Variants in ARHGAP23 observed in about 807,000 individuals in gnomAD.
ARHGAP23 encodes Rho GTPase activating protein 23.
Under a neutral mutation model 136.3 loss-of-function variants are expected in ARHGAP23, and 34 were observed. That is an observed-to-expected ratio of 0.25 (90% confidence interval 0.19 to 0.33). The LOEUF (loss-of-function observed/expected upper bound fraction) is 0.33, where lower values mean the gene tolerates loss of function less well. Ranked by LOEUF, ARHGAP23 falls within the 10% of genes least tolerant of loss-of-function variation. The pLI is 1.00. For synonymous variants in ARHGAP23, 832 were observed against 920.5 expected, an observed-to-expected ratio of 0.90 and a Z score of 1.74; for missense variants, 1,808 against 2,139.0, an observed-to-expected ratio of 0.85 and a Z score of 3.05.
intron 6 of ARHGAP23, among the ~76,000 whole-genome samples, chr17:38,463,608 A>G (rs1482138073): frequency 6.6e-6 from 1 of 152,130 alleles, no homozygotes; most frequent in African/African-American, 2.4e-5. Flanking sequence ...CTGCCAGGGT[A>G]TCTGGAAGGA....
rs371581492 is a variant in ARHGAP23 at position 38,482,649 on chromosome 17, G to T, written c.2878G>T (p.Gly960Trp). ...VSSLQEQLNR[G>W]PGDINLQDER... ...CAGCCTACAGGAGCAGCTCAACCGC[G>T]GGCCTGGTGACATCAACCTGCAGGA... The change falls in exon 16 of 24, where the codon GGG (glycine) becomes TGG (tryptophan). Residue 960 changes from glycine to tryptophan, a missense_variant. Around this residue, in one of 7 missense-constraint regions of ARHGAP23, gnomAD observed 105 missense variants for 200.6 expected, o/e 0.52. Transcript: ENST00000622683. 5 of 1,548,952 alleles carry T rather than the reference G, an allele frequency of 3.2e-6. No individual in the cohort carries two copies. The highest frequency in any genetic ancestry group is 2.6e-6 in the Non-Finnish European group (3 of 1,146,442).
chr17:38,510,978 A>G lies in ARHGAP23; in HGVS notation c.*6A>G. Reference sequence around the variant, plus strand: ...GCCTGCATCAGTGTCTGTGATCCCCACCTCCCGCGCCGCTCGGGCGCCACC... The same window carrying G: ...GCCTGCATCAGTGTCTGTGATCCCCGCCTCCCGCGCCGCTCGGGCGCCACC... On this transcript the variant is annotated 3_prime_UTR_variant, in exon 24 of 24. Coordinates refer to ENST00000622683, the MANE Select transcript of ARHGAP23 (RefSeq NM_001199417.2). This position sits in a 1 kb window ranked among gnomAD's most constrained non-coding sequence, Gnocchi z 4.6. The G allele has an allele frequency of 1.4e-6, 2 of 1,423,388 alleles. No individual in the cohort carries two copies. Among genetic ancestry groups the G allele is most frequent in the South Asian group, 3.0e-5 (2 of 67,566 alleles). The allele number at this position is 1,423,388 out of a possible 1,614,324, so 88.2% of individuals were successfully genotyped here.
intron 14 of ARHGAP23, among the ~76,000 whole-genome samples, chr17:38,480,590 C>T (rs547412306): frequency 1.5e-4 from 23 of 150,108 alleles, no homozygotes; most frequent in Admixed American, 3.3e-4. Flanking sequence ...GCCAAGATCG[C>T]GCCACTGCAC....
chr17:38,471,243 G>A (rs879407925), intron 10 of ARHGAP23, among the ~76,000 whole-genome samples: 1 of 152,218 alleles, frequency 6.6e-6, no homozygotes, highest in Admixed American at 6.5e-5. Flanking sequence ...ATGAGCCAGC[G>A]TGCCCGCCCC....
At position 38,428,484 on chromosome 17, in the gene ARHGAP23, C is replaced by G. The variant is rs1273887270; in HGVS notation, c.-2C>G. ...CGGCCGCAGAGCCGCCGCTGCCACC[C>G]GATGAATGGAGTCGCCTTCTGCCTG... On this transcript the variant is annotated 5_prime_UTR_variant, in exon 1 of 24. Coordinates refer to ENST00000622683, the MANE Select transcript of ARHGAP23 (RefSeq NM_001199417.2). The G allele has an allele frequency of 2.1e-6, 3 of 1,443,734 alleles. No individual in the cohort carries two copies. Among genetic ancestry groups the G allele is most frequent in the South Asian group, 1.4e-5 (1 of 73,964 alleles). 89.4% of individuals were successfully genotyped at this position (1,443,734 alleles called of 1,614,324 possible).
At chr17:38,431,476 G>A (rs2038684390) in intron 1 of ARHGAP23, among the ~76,000 whole-genome samples, 1 of 152,152 alleles carries the variant, frequency 6.6e-6, no homozygotes, top group African/African-American at 2.4e-5. Flanking sequence ...GTGGGAGCTG[G>A]TGCTGCCTTT....
At chr17:38,478,783 C>A (rs1234914333) in intron 12 of ARHGAP23, among the ~76,000 whole-genome samples, 1 of 152,156 alleles carries the variant, frequency 6.6e-6, no homozygotes, top group Non-Finnish European at 1.5e-5. Flanking sequence ...GGATTCCTCC[C>A]TGTTTACTTC....
chr17:38,428,544 C>A lies in ARHGAP23; in HGVS notation c.59C>A (p.Pro20Gln). 2.8e-6 allele frequency: 4 copies of A among 1,449,836 alleles called. No homozygotes were observed. Among genetic ancestry groups the A allele is most frequent in the Non-Finnish European group, 3.6e-6 (4 of 1,103,830 alleles). The allele number at this position is 1,449,836 out of a possible 1,614,324, so 89.8% of individuals were successfully genotyped here. The change falls in exon 1 of 24, where the codon CCA becomes CAA. Residue 20 changes from proline (P) to glutamine (Q), a missense_variant. Transcript: ENST00000622683. The stretch of plus-strand genomic sequence containing the variant: ...CCGCCCCGCCCGGAGCCCCGGCCCC[C>A]ACAGGTGAGGGTGCTGGGCCAGGGA... ...GIPPRPEPRPPQLPLGPRDGC... is the reference protein window; with the variant it reads ...GIPPRPEPRPQQLPLGPRDGC...
At chr17:38,433,801 G>A (rs2038734445) in intron 1 of ARHGAP23, among the ~76,000 whole-genome samples, 1 of 152,016 alleles carries the variant, frequency 6.6e-6, no homozygotes, top group Admixed American at 6.6e-5. Flanking sequence ...GGTGGGTATG[G>A]TTCTGATAGG....
intron 20 of ARHGAP23, among the ~76,000 whole-genome samples, chr17:38,495,247 TTTG>T (rs2040367431): frequency 6.7e-6 from 1 of 150,292 alleles, no homozygotes; most frequent in African/African-American, 2.4e-5. Context: ...TTTTTTTTTT[TTTG>T]AGACAGAGTC....
intron 1 of ARHGAP23, among the ~76,000 whole-genome samples, chr17:38,432,591 A>T (rs189050667): frequency 1.0e-3 from 152 of 152,248 alleles, no homozygotes; most frequent in African/African-American, 3.3e-3. Context: ...AGGCAGGAGA[A>T]TCGCTTGAAC....
intron 1 of ARHGAP23, among the ~76,000 whole-genome samples, chr17:38,452,738 AG>A (rs1259162867): frequency 1.3e-5 from 2 of 152,232 alleles, no homozygotes; most frequent in East Asian, 3.9e-4. Flanking sequence ...CCACTAGCCA[AG>A]GCCTCTGCTA....
In ARHGAP23 at chr17:38,466,729, C is replaced by A; in HGVS notation, c.1046C>A (p.Ala349Asp). ...CTGGGCCAGGAGGGCTGGCACCGAG[C>A]TCGCTCAGATGACTACTTGAGCCGG... The part of the protein sequence containing the change: ...SQLGQEGWHR[A>D]RSDDYLSRAT... The change falls in exon 7 of 24, where the codon GCT (alanine) becomes GAT (aspartate). Residue 349 changes from alanine (A) to aspartate (D), a missense_variant. This residue lies in a region of ARHGAP23 where 859 missense variants were observed against 936.4 expected (regional missense o/e 0.92). Coordinates refer to ENST00000622683, the MANE Select transcript of ARHGAP23 (RefSeq NM_001199417.2). 6.5e-7 allele frequency: 1 copy of A among 1,544,010 alleles called. No homozygotes were observed. The highest frequency in any genetic ancestry group is 1.2e-5 in the South Asian group (1 of 83,406).
At position 38,463,329 on chromosome 17, in the gene ARHGAP23, G is replaced by C; in HGVS notation, c.430G>C (p.Asp144His). The C allele has an allele frequency of 6.4e-7, 1 of 1,551,716 alleles. No homozygotes were observed. The highest frequency in any genetic ancestry group is 8.7e-7 in the Non-Finnish European group (1 of 1,146,984). ...SQVIALIQNSDDTLELSIMPK... is the reference protein window; with the variant it reads ...SQVIALIQNSHDTLELSIMPK... Reference sequence around the variant, plus strand: ...CTGACGTTCTGCCTGTCTCTGTAGTGATGACACTCTGGAGCTGTCTATCAT... The same window carrying C: ...CTGACGTTCTGCCTGTCTCTGTAGTCATGACACTCTGGAGCTGTCTATCAT... Residue 144 changes from aspartate (D) to histidine (H), a missense_variant and splice_region_variant, in exon 6 of 24, where the codon GAT (aspartate) becomes CAT (histidine). Transcript: ENST00000622683.
chr17:38,459,218 A>G (rs2039402033), intron 2 of ARHGAP23, among the ~76,000 whole-genome samples: 1 of 152,182 alleles, frequency 6.6e-6, no homozygotes. Context: ...GGTCCCACCT[A>G]TCAGAGAACC....
At chr17:38,483,646 A>G (rs1227154486) in intron 16 of ARHGAP23, among the ~76,000 whole-genome samples, 1 of 152,284 alleles carries the variant, frequency 6.6e-6, no homozygotes, top group Non-Finnish European at 1.5e-5. Flanking sequence ...TGGAATACAC[A>G]AGTCTTCCTG....
chr17:38,432,161 C>T (rs949854447), intron 1 of ARHGAP23, among the ~76,000 whole-genome samples: 9 of 152,162 alleles, frequency 5.9e-5, no homozygotes, highest in African/African-American at 2.2e-4. Flanking sequence ...TATTTGAGGC[C>T]GAGAAAAATG....
intron 16 of ARHGAP23, among the ~76,000 whole-genome samples, chr17:38,483,500 C>T (rs1455218451): frequency 6.6e-6 from 1 of 152,230 alleles, no homozygotes; most frequent in Non-Finnish European, 1.5e-5. Flanking sequence ...CTAGAGCAAC[C>T]CTGCTTTGCC....
chr17:38,473,103 ATTTTTTT>A (rs59594005), intron 11 of ARHGAP23, among the ~76,000 whole-genome samples: 26 of 129,940 alleles, frequency 2.0e-4, no homozygotes, highest in South Asian at 1.2e-3. Flanking sequence ...AACCCGGCTA[ATTTTTTT>A]TTTTTTTTTT....
Sources: gnomAD v4.1 joint callset for allele counts (sites outside exome capture counted in the v4.1 genomes callset) on GRCh38, gnomAD v4.1.1 for gene constraint, gnomAD v4.1.1 regional missense constraint, Gnocchi (gnomAD v3.1) non-coding constraint, MANE v1.5 for transcripts, NCBI Gene and HGNC (gene_info 2026-07-23, HGNC 2026-07-21) for gene names.